The following PSD variants were observed in gnomAD, a reference collection of about 807,000 sequenced individuals.
PSD encodes the protein PH and SEC7 domain-containing protein 1.
A neutral mutation model predicts 91.6 loss-of-function variants in PSD; 32 were observed. The ratio of observed to expected loss-of-function variants is 0.35; its 90% confidence interval spans 0.26 to 0.47. The LOEUF is 0.47. PSD is among the 20% of genes least tolerant of loss of function. PSD has a pLI of 1.00. For missense variants in PSD, 1,099 were observed against 1,373.9 expected (o/e 0.80, Z 3.16); for synonymous variants, 532 against 569.3 (o/e 0.93, Z 0.93).
Position 102,409,248 on chromosome 10 carries a change from C to A in PSD, c.2091+1610G>T. On this transcript the variant is annotated intron_variant, in intron 10 of 16. Transcript: ENST00000020673. The surrounding 1 kb of genome is among the most constrained non-coding windows in gnomAD (Gnocchi z 5.7). ...CCGGCTCTCACGGACGCACGGAGTG[C>A]GCGGCGGCGGCGGCGGCGCTGTCTG... 6 of 984,510 alleles carry A rather than the reference C, an allele frequency of 6.1e-6. No homozygotes were observed. Among genetic ancestry groups the A allele is most frequent in the Non-Finnish European group, 7.2e-6 (6 of 829,444 alleles). The allele number at this position is 984,510 out of a possible 1,614,324, so 61.0% of individuals were successfully genotyped here.
At chr10:102,415,277 C>G in intron 3 of PSD, 48 bp from the exon 4 acceptor site, 8 of 1,539,700 alleles carry the variant, frequency 5.2e-6, no homozygotes, top group Non-Finnish European at 7.0e-6. Flanking sequence ...CACGTCAGCT[C>G]CCTGTCCTAA....
chr10:102,412,322 G>T, intron 6 of PSD, 59 bp downstream of exon 6: 1 of 1,610,660 alleles, frequency 6.2e-7, no homozygotes, highest in African/African-American at 1.3e-5. Context: ...TAGATGGAGA[G>T]CTGCCTTCAG....
Position 102,403,396 on chromosome 10 carries a change from C to CA in PSD, c.2878_2879insT (p.Arg960LeufsTer9). On this transcript the variant is annotated frameshift_variant, in exon 17 of 17. Coordinates refer to ENST00000020673, the MANE Select transcript of PSD (RefSeq NM_002779.5). LOFTEE classifies it high-confidence loss of function. The surrounding 1 kb of genome is among the most constrained non-coding windows in gnomAD (Gnocchi z 6.7). Reference sequence around the variant, plus strand: ...CTCACTGCCTGCCTTCAGCTTGACCCGAAGCAGCGCTGCATAGGTGCTGTA... The same window carrying CA: ...CTCACTGCCTGCCTTCAGCTTGACCCAGAAGCAGCGCTGCATAGGTGCTGTA... 1 of 1,613,120 alleles carries CA rather than the reference C, an allele frequency of 6.2e-7. No individual in the cohort carries two copies. Among genetic ancestry groups the CA allele is most frequent in the Non-Finnish European group, 8.5e-7 (1 of 1,179,948 alleles).
Position 102,416,725 on chromosome 10 carries a change from A to C in PSD, c.314T>G (p.Phe105Cys). Residue 105 changes from phenylalanine to cysteine, a missense_variant, in exon 2 of 17, where the codon TTT (phenylalanine) becomes TGT (cysteine). This residue lies in a region of PSD where 631 missense variants were observed against 728.8 expected (regional missense o/e 0.87). Coordinates refer to ENST00000020673, the MANE Select transcript of PSD (RefSeq NM_002779.5). This position sits in a 1 kb window ranked among gnomAD's most constrained non-coding sequence, Gnocchi z 6.0. Reference sequence around the variant, plus strand: ...TGGCCTCACACTGGCCTTCTCCACAAAGCGGAAGATGACCACAGAGCTCTG... The same window carrying C: ...TGGCCTCACACTGGCCTTCTCCACACAGCGGAAGATGACCACAGAGCTCTG... ...GAQSSVVIFR[F>C]VEKASVRPLN... The C allele has an allele frequency of 6.3e-7, 1 of 1,595,318 alleles. No individual in the cohort carries two copies. The highest frequency in any genetic ancestry group is 1.1e-5 in the South Asian group (1 of 88,188).
chr10:102,412,626 T>A, intron 5 of PSD, 51 bp from the exon 6 acceptor site: 1 of 1,501,986 alleles, frequency 6.7e-7, no homozygotes, highest in Non-Finnish European at 9.0e-7. Flanking sequence ...TTAGGAGCCA[T>A]CCAGACCCTC....
rs1159750109 is a variant in PSD, at chr10:102,405,166, CT to C, written c.2397+16del. The C allele has an allele frequency of 6.2e-7, 1 of 1,610,920 alleles. No individual in the cohort carries two copies. Among genetic ancestry groups the C allele is most frequent in the Non-Finnish European group, 8.5e-7 (1 of 1,179,796 alleles). On this transcript the variant is annotated intron_variant, in intron 13 of 16. Transcript: ENST00000020673. The surrounding 1 kb of genome is among the most constrained non-coding windows in gnomAD (Gnocchi z 5.4). ...CCAACTCAGTCCCAGCCCCAGCCCCCTGGCCTGACCCCGCACCTTCTGCAGG... is the reference window on the plus strand; with the variant it reads ...CCAACTCAGTCCCAGCCCCAGCCCCCGGCCTGACCCCGCACCTTCTGCAGG...
chr10:102,405,553 C>T lies in PSD; in HGVS notation c.2136-17G>A, dbSNP rs1184970305. On this transcript the variant is annotated splice_polypyrimidine_tract_variant and intron_variant, in intron 11 of 16. Coordinates refer to ENST00000020673, the MANE Select transcript of PSD (RefSeq NM_002779.5). The surrounding 1 kb of genome is among the most constrained non-coding windows in gnomAD (Gnocchi z 5.4). ...TCCTCGTCTCTGCAGGTGTGATCACCTCAGAGGGGGCTGGCCATGGAGCCG... is the reference window on the plus strand; with the variant it reads ...TCCTCGTCTCTGCAGGTGTGATCACTTCAGAGGGGGCTGGCCATGGAGCCG... The T allele has an allele frequency of 1.3e-6, 2 of 1,592,184 alleles. No individual in the cohort carries two copies. The highest frequency in any genetic ancestry group is 2.3e-5 in the East Asian group (1 of 44,334).
At chr10:102,411,841 G>T (rs1390620097) in intron 7 of PSD, 22 bp from the exon 8 acceptor site, 4 of 1,571,476 alleles carry the variant, frequency 2.5e-6, no homozygotes, top group Non-Finnish European at 3.5e-6. Flanking sequence ...GCAAGAGAGG[G>T]TTGCCTAGCA....
At position 102,415,050 on chromosome 10, in the gene PSD, A is replaced by C; in HGVS notation, c.937T>G (p.Ser313Ala). Residue 313 changes from serine to alanine, a missense_variant, in exon 4 of 17, where the codon TCG becomes GCG. Ser to Ala is a moderately conservative substitution (Grantham distance 99). Around this residue, in one of 3 missense-constraint regions of PSD, gnomAD observed 631 missense variants for 728.8 expected, o/e 0.87. Coordinates refer to ENST00000020673, the MANE Select transcript of PSD (RefSeq NM_002779.5). ...GAGCTGGGCTGACTTTCGATGGCCG[A>C]GTCGGCCTCCTCCCGCTCAGCCAGC... The part of the protein sequence containing the change: ...EVLAEREEAD[S>A]AIESQPSSEG... The C allele has an allele frequency of 6.2e-7, 1 of 1,613,958 alleles. No homozygotes were observed. Among genetic ancestry groups the C allele is most frequent in the Non-Finnish European group, 8.5e-7 (1 of 1,179,926 alleles).
In PSD at chr10:102,410,259, A is replaced by G. The variant is rs1405151489; in HGVS notation, c.2091+599T>C. ...CCTTCTCCTACCGGCACCAGCCCCTACGTATCTGAGCCCTCGGTTGCGGGC... is the reference window on the plus strand; with the variant it reads ...CCTTCTCCTACCGGCACCAGCCCCTGCGTATCTGAGCCCTCGGTTGCGGGC... On this transcript the variant is annotated intron_variant, in intron 10 of 16. Coordinates refer to ENST00000020673, the MANE Select transcript of PSD (RefSeq NM_002779.5). This position sits in a 1 kb window ranked among gnomAD's most constrained non-coding sequence, Gnocchi z 6.0. 6.6e-6 allele frequency among the ~76,000 whole-genome samples: 1 copy of G among 152,138 alleles called. No individual in the cohort carries two copies. Among genetic ancestry groups the G allele is most frequent in the Non-Finnish European group, 1.5e-5 (1 of 68,024 alleles).
chr10:102,404,000 G>T lies in PSD; in HGVS notation c.2701-15C>A. ...ACCTGCTCCTCCTAGCGGCCAGGGG[G>T]AGGCATGGTCATGGTCACTCTGCCC... On this transcript the variant is annotated splice_polypyrimidine_tract_variant and intron_variant, in intron 15 of 16. Coordinates refer to ENST00000020673, the MANE Select transcript of PSD (RefSeq NM_002779.5). The surrounding 1 kb of genome is among the most constrained non-coding windows in gnomAD (Gnocchi z 6.7). 6.5e-7 allele frequency: 1 copy of T among 1,542,676 alleles called. No individual in the cohort carries two copies.
At chr10:102,418,899 C>T, upstream of PSD, 1 of 346,580 alleles carries the variant, frequency 2.9e-6, no homozygotes, top group Non-Finnish European at 5.8e-6. Flanking sequence ...CCGGAGGCTG[C>T]CAGCCCCCCT....
chr10:102,411,502 T>C (rs1054461076), intron 8 of PSD, among the ~76,000 whole-genome samples: 2 of 152,190 alleles, frequency 1.3e-5, no homozygotes, highest in African/African-American at 2.4e-5. Flanking sequence ...CACTCAACCC[T>C]AGCAATATGC....
rs751519929 is a variant in PSD at position 102,403,214 on chromosome 10, G to A, written c.3061C>T (p.Arg1021Trp). The A allele has an allele frequency of 1.7e-5, 26 of 1,569,664 alleles. No individual in the cohort carries two copies. Among genetic ancestry groups the A allele is most frequent in the Admixed American group, 1.1e-4 (6 of 56,366 alleles). Residue 1021 changes from arginine (R) to tryptophan (W), a missense_variant, in exon 17 of 17, where the codon CGG becomes TGG. Coordinates refer to ENST00000020673, the MANE Select transcript of PSD (RefSeq NM_002779.5). This position sits in a 1 kb window ranked among gnomAD's most constrained non-coding sequence, Gnocchi z 6.7. ...TAAACCTCATCTCAGGGCTTCCGCC[G>A]CCCACTGCCTGCCCCTGGCCGAGGC... is the stretch of plus-strand genomic sequence containing the variant. The part of the protein sequence containing the change: ...SEPRPGAGSG[R>W]RKP
At chr10:102,411,161 C>A in intron 8 of PSD, 45 bp from the exon 9 acceptor site, 2 of 1,548,524 alleles carry the variant, frequency 1.3e-6, no homozygotes, top group Non-Finnish European at 1.8e-6. Flanking sequence ...CCCAGGGACC[C>A]TTCCCACAGC....
chr10:102,403,357 A>G lies in PSD; in HGVS notation c.2918T>C (p.Val973Ala). ...LKAGSEELDA[V>A]EAALAQAGST... ...CCCGGCCTGGGCCAGTGCTGCCTCC[A>G]CTGCATCCAGCTCCTCACTGCCTGC... is the stretch of plus-strand genomic sequence containing the variant. The change falls in exon 17 of 17, where the codon GTG (valine) becomes GCG (alanine). Residue 973 changes from valine to alanine, a missense_variant. Val to Ala is a moderately conservative substitution (Grantham distance 64). Coordinates refer to ENST00000020673, the MANE Select transcript of PSD (RefSeq NM_002779.5). This position sits in a 1 kb window ranked among gnomAD's most constrained non-coding sequence, Gnocchi z 6.7. 1 of 1,613,984 alleles carries G rather than the reference A, an allele frequency of 6.2e-7. No homozygotes were observed. Among genetic ancestry groups the G allele is most frequent in the Non-Finnish European group, 8.5e-7 (1 of 1,179,994 alleles).
At chr10:102,408,016 T>C (rs1565222543) in intron 10 of PSD, among the ~76,000 whole-genome samples, 1 of 152,156 alleles carries the variant, frequency 6.6e-6, no homozygotes, top group Non-Finnish European at 1.5e-5. Flanking sequence ...TGGGGACATT[T>C]GGGGGTCCTG....
chr10:102,404,460 CCT>C lies in PSD; in HGVS notation c.2700+121_2700+122del. On this transcript the variant is annotated intron_variant, in intron 15 of 16. Coordinates refer to ENST00000020673, the MANE Select transcript of PSD (RefSeq NM_002779.5). The surrounding 1 kb of genome is among the most constrained non-coding windows in gnomAD (Gnocchi z 5.7). ...GGCTGGATTTCAGTCCCTGCTCACC[CCT>C]GTGGCCAGCATCCTGGTGCAGGGGA... 1 of 1,307,170 alleles carries C rather than the reference CCT, an allele frequency of 7.7e-7. No homozygotes were observed. Among genetic ancestry groups the C allele is most frequent in the South Asian group, 1.5e-5 (1 of 67,682 alleles). 81.0% of individuals were successfully genotyped at this position (1,307,170 alleles called of 1,614,324 possible). A position where few individuals can be genotyped will look rare whatever the true frequency, so the allele number is the denominator to read the frequency against.
rs972916495 is a variant in PSD at position 102,416,535 on chromosome 10, A to G, written c.504T>C (p.Pro168=). 4 of 1,609,852 alleles carry G rather than the reference A, an allele frequency of 2.5e-6. No individual in the cohort carries two copies. Among genetic ancestry groups the G allele is most frequent in the African/African-American group, 2.7e-5 (2 of 74,828 alleles). Residue 168 remains proline, a synonymous_variant, in exon 2 of 17, where the codon CCT becomes CCC. Coordinates refer to ENST00000020673, the MANE Select transcript of PSD (RefSeq NM_002779.5). This position sits in a 1 kb window ranked among gnomAD's most constrained non-coding sequence, Gnocchi z 6.0. ...GCCCATGTACAAGGTTCCGGCTGCCAGGTAGGGCCGAGCCTCCTCTGGCGG... is the reference window on the plus strand; with the variant it reads ...GCCCATGTACAAGGTTCCGGCTGCCGGGTAGGGCCGAGCCTCCTCTGGCGG... ...PLPARGGSAL[P]GSRNLVHGPP... is the part of the protein sequence containing the mutation.
Sources: allele counts gnomAD v4.1 joint callset (sites outside exome capture counted in the v4.1 genomes callset), GRCh38; gene constraint gnomAD v4.1.1; regional missense constraint gnomAD v4.1.1; non-coding constraint Gnocchi (gnomAD v3.1); transcripts MANE v1.5; gene names NCBI Gene and HGNC (gene_info 2026-07-23, HGNC 2026-07-21).